Variants in SYNE2 observed in about 807,000 individuals in gnomAD.
SYNE2 encodes the protein nesprin-2.
Under a neutral mutation model 856.3 loss-of-function variants are expected in SYNE2, and 431 were observed. The observed-to-expected ratio is 0.50, with a 90% CI of 0.47 to 0.55. SYNE2 has a LOEUF of 0.55. SYNE2 is among the 20% of genes least tolerant of loss of function. The pLI, the probability that SYNE2 is intolerant of heterozygous loss-of-function variation, is 0.00. For synonymous variants in SYNE2, 2,923 were observed against 2,872.3 expected (o/e 1.02, Z -0.56); for missense variants, 8,129 against 8,023.2 (o/e 1.01, Z -0.50).
At chr14:63,914,729 T>C (rs1389164546) in intron 2 of SYNE2, among the ~76,000 whole-genome samples, 3 of 152,166 alleles carry the variant, frequency 2.0e-5, no homozygotes, top group Admixed American at 2.0e-4. Flanking sequence ...CTTGGGAAAA[T>C]AGTAGTAGCA....
chr14:64,215,873 G>T, intron 107 of SYNE2: 2 of 1,144,324 alleles, frequency 1.7e-6, no homozygotes, highest in East Asian at 4.7e-5. Flanking sequence ...GCCCTGAGGA[G>T]CCTTTTGGTT....
intron 37 of SYNE2, among the ~76,000 whole-genome samples, 165 bp downstream of exon 37, chr14:64,022,193 G>C (rs2096940680): frequency 1.3e-5 from 2 of 152,152 alleles, no homozygotes; most frequent in African/African-American, 4.8e-5. Flanking sequence ...ACTGATTTAT[G>C]CTTGACATAA....
chr14:63,916,231 A>G (rs754707786), intron 2 of SYNE2, among the ~76,000 whole-genome samples: 20 of 152,118 alleles, frequency 1.3e-4, no homozygotes, highest in African/African-American at 2.2e-4. Flanking sequence ...TGTCTGGAAT[A>G]TCTTTTTATG....
intron 35 of SYNE2, among the ~76,000 whole-genome samples, 182 bp from the exon 36 acceptor site, chr14:64,021,133 A>G (rs1009492951): frequency 6.6e-6 from 1 of 152,178 alleles, no homozygotes; most frequent in African/African-American, 2.4e-5. Flanking sequence ...TTTTTATGTT[A>G]TGCTTTATCC....
At position 64,021,510 on chromosome 14, in the gene SYNE2, C is replaced by G; in HGVS notation, c.5347C>G (p.Leu1783Val). 6.2e-7 allele frequency: 1 copy of G among 1,613,998 alleles called. No homozygotes were observed. Among genetic ancestry groups the G allele is most frequent in the Non-Finnish European group, 8.5e-7 (1 of 1,179,994 alleles). ...PSDSLEIFTK[L>V]EEIQQQILQQ... Reference sequence around the variant, plus strand: ...TGACAGCTTGGAGATCTTCACTAAACTAGAGGTGCTACCGAGCTGCTTGTC... The same window carrying G: ...TGACAGCTTGGAGATCTTCACTAAAGTAGAGGTGCTACCGAGCTGCTTGTC... The change falls in exon 36 of 116, where the codon CTA becomes GTA. Residue 1783 changes from leucine to valine, a missense_variant. Coordinates refer to ENST00000555002, the MANE Select transcript of SYNE2 (RefSeq NM_182914.3).
Position 64,219,251 on chromosome 14 carries a change from C to CA in SYNE2, c.19703dup (p.Asn6568LysfsTer2). ...AGATGATTCAAGCACAGGAGCTTCA[C>CA]AATAAGCTCAAAATAAAACAAAATT... is the stretch of plus-strand genomic sequence containing the variant. On this transcript the variant is annotated frameshift_variant, in exon 110 of 116. Transcript: ENST00000555002. LOFTEE classifies it high-confidence loss of function. 6.2e-7 allele frequency: 1 copy of CA among 1,613,796 alleles called. No homozygotes were observed. The highest frequency in any genetic ancestry group is 8.5e-7 in the Non-Finnish European group (1 of 1,179,962).
chr14:63,988,890 G>A (rs1382773758), intron 19 of SYNE2, among the ~76,000 whole-genome samples: 27 of 152,192 alleles, frequency 1.8e-4, no homozygotes, highest in Admixed American at 1.8e-3. Flanking sequence ...CTCACCGGGT[G>A]TCTCTCACAA....
intron 75 of SYNE2, 72 bp from the exon 76 acceptor site, chr14:64,129,976 T>C (rs1204485223): frequency 6.2e-7 from 1 of 1,613,496 alleles, no homozygotes; most frequent in Non-Finnish European, 8.5e-7. Flanking sequence ...ACCAGCAGAG[T>C]TTAGATTTGT....
At position 64,130,132 on chromosome 14, in the gene SYNE2, G is replaced by C. The variant is rs768191476; in HGVS notation, c.14224G>C (p.Ala4742Pro). 1.3e-5 allele frequency: 21 copies of C among 1,614,076 alleles called. No individual in the cohort carries two copies. The highest frequency in any genetic ancestry group is 4.0e-5 in the African/African-American group (3 of 74,940). ...SPFVTESQQDALLQGMVELVK... is the reference protein window; with the variant it reads ...SPFVTESQQDPLLQGMVELVK... ...TTTCGTCACTGAGAGCCAGCAAGAT[G>C]CTTTGTTGCAAGGCATGGTGGAACT... The change falls in exon 76 of 116, where the codon GCT (alanine) becomes CCT (proline). Residue 4742 changes from alanine to proline, a missense_variant. Physicochemically the swap from Ala to Pro is conservative, Grantham distance 27. Coordinates refer to ENST00000555002, the MANE Select transcript of SYNE2 (RefSeq NM_182914.3).
intron 84 of SYNE2, among the ~76,000 whole-genome samples, chr14:64,149,648 T>C (rs2098222056): frequency 6.6e-6 from 1 of 152,178 alleles, no homozygotes; most frequent in Non-Finnish European, 1.5e-5. Flanking sequence ...CTTAAAGAAG[T>C]ATGTTCGTGA....
chr14:64,001,808 A>G lies in SYNE2; in HGVS notation c.3639-126A>G, dbSNP rs2096757129. 12 of 1,037,126 alleles carry G rather than the reference A, an allele frequency of 1.2e-5. No individual in the cohort carries two copies. In the Admixed American group the frequency reaches 2.0e-4, roughly 18 times the overall value. The allele number at this position is 1,037,126 out of a possible 1,614,324, so 64.2% of individuals were successfully genotyped here. A position where few individuals can be genotyped will look rare whatever the true frequency, so the allele number is the denominator to read the frequency against. On this transcript the variant is annotated intron_variant, in intron 28 of 115. Coordinates refer to ENST00000555002, the MANE Select transcript of SYNE2 (RefSeq NM_182914.3). ...TATTAATGTGATAATGTGTATGTAT[A>G]TATCATTGTATGTCTGTTTATTGGA...
At chr14:63,822,987 C>A (rs1210583642) in intron 1 of SYNE2, among the ~76,000 whole-genome samples, 1 of 151,902 alleles carries the variant, frequency 6.6e-6, no homozygotes, top group Admixed American at 6.6e-5. Flanking sequence ...ACCTGTAGTC[C>A]CAGCTACTTA....
intron 63 of SYNE2, among the ~76,000 whole-genome samples, chr14:64,101,270 C>T (rs1463899489): frequency 6.6e-6 from 1 of 152,118 alleles, no homozygotes; most frequent in Non-Finnish European, 1.5e-5. Flanking sequence ...GTTGTCTCCA[C>T]ATCCTCATGA....
At position 64,107,378 on chromosome 14, in the gene SYNE2, A is replaced by G. The variant is rs150002340; in HGVS notation, c.12493-113A>G. 2.8e-5 allele frequency: 26 copies of G among 932,456 alleles called. No individual in the cohort carries two copies. The Admixed American group carries it at 3.1e-4, about 11-fold the overall frequency. The allele number at this position is 932,456 out of a possible 1,614,324, so 57.8% of individuals were successfully genotyped here. ...TTTTCTAATCGTATCTGACTTCTCC[A>G]TATCTGACTTTTTTGCAAGCAGGTA... On this transcript the variant is annotated intron_variant, in intron 64 of 115. Coordinates refer to ENST00000555002, the MANE Select transcript of SYNE2 (RefSeq NM_182914.3).
intron 2 of SYNE2, among the ~76,000 whole-genome samples, chr14:63,935,999 T>C (rs141593478): frequency 0.031 from 4,741 of 152,220 alleles, 250 homozygotes; most frequent in African/African-American, 0.11. Context: ...TTCAGCCTCC[T>C]GAGTAGCTGG....
intron 8 of SYNE2, among the ~76,000 whole-genome samples, chr14:63,957,346 G>A (rs924905499): frequency 7.0e-6 from 1 of 142,998 alleles, no homozygotes; most frequent in African/African-American, 2.6e-5. Flanking sequence ...TTGGCTCACC[G>A]CAGCTTCCAT....
At chr14:63,782,889 T>C (rs1469877219) in intron 1 of SYNE2, among the ~76,000 whole-genome samples, 1 of 152,046 alleles carries the variant, frequency 6.6e-6, no homozygotes, top group East Asian at 1.9e-4. Context: ...TTTGTTTAAT[T>C]AATATCCTCA....
Position 64,154,322 on chromosome 14 carries a change from G to A in SYNE2, c.15792+1606G>A, listed in dbSNP as rs112316953. Among the ~76,000 whole-genome samples the A allele has an allele frequency of 9.9e-5, 15 of 152,102 alleles. 1 individual carries two copies. Among genetic ancestry groups the A allele is most frequent in the African/African-American group, 3.6e-4 (15 of 41,494 alleles). ...ATCAAAGAAAAAAATAGATACATTGGACTTCATCAAAACTAAACACCTTGA... is the reference window on the plus strand; with the variant it reads ...ATCAAAGAAAAAAATAGATACATTGAACTTCATCAAAACTAAACACCTTGA... On this transcript the variant is annotated intron_variant, in intron 85 of 115. Coordinates refer to ENST00000555002, the MANE Select transcript of SYNE2 (RefSeq NM_182914.3).
intron 1 of SYNE2, among the ~76,000 whole-genome samples, chr14:63,871,146 A>G (rs1469998144): frequency 1.3e-5 from 2 of 152,098 alleles, no homozygotes; most frequent in Non-Finnish European, 2.9e-5. Flanking sequence ...TTGGAGGCAG[A>G]GTTAAAGAGT....
Sources: allele counts gnomAD v4.1 joint callset (sites outside exome capture counted in the v4.1 genomes callset), GRCh38; gene constraint gnomAD v4.1.1; transcripts MANE v1.5; gene names NCBI Gene and HGNC (gene_info 2026-07-23, HGNC 2026-07-21).